The following IL2RB variants were observed in gnomAD, a reference collection of about 807,000 sequenced individuals.
The protein encoded by IL2RB is interleukin-2 receptor subunit beta.
A neutral mutation model predicts 44.2 loss-of-function variants in IL2RB; 17 were observed. The ratio of observed to expected loss-of-function variants is 0.38; its 90% CI spans 0.26 to 0.58. The LOEUF (loss-of-function observed/expected upper bound fraction) is 0.58. Among genes scored for constraint, IL2RB ranks in the 20% least tolerant of loss-of-function variants. The pLI, the probability that IL2RB is intolerant of heterozygous loss-of-function variation, is 0.63. For missense variants in IL2RB, 624 were observed against 685.5 expected (o/e 0.91, Z 1.00); for synonymous variants, 286 against 297.9 (o/e 0.96, Z 0.41).
intron 1 of IL2RB, among the ~76,000 whole-genome samples, chr22:37,157,214 C>A (rs761226770): frequency 1.6e-4 from 25 of 152,218 alleles, no homozygotes; most frequent in Non-Finnish European, 2.9e-4. Flanking sequence ...TTCCTGAGGG[C>A]TGTCCTCCGA....
chr22:37,132,998 G>T (rs1921506220), intron 8 of IL2RB, among the ~76,000 whole-genome samples: 1 of 152,228 alleles, frequency 6.6e-6, no homozygotes, highest in Admixed American at 6.5e-5. Context: ...CCCATGTTCT[G>T]CTTGCTAAGC....
chr22:37,147,297 A>C (rs1337243280), intron 1 of IL2RB, among the ~76,000 whole-genome samples: 1 of 152,240 alleles, frequency 6.6e-6, no homozygotes, highest in Non-Finnish European at 1.5e-5. Flanking sequence ...AAGGTCATGC[A>C]GTGGATAAGA....
At chr22:37,129,523 G>A (rs773697342) in intron 9 of IL2RB, among the ~76,000 whole-genome samples, 3 of 140,160 alleles carry the variant, frequency 2.1e-5, no homozygotes, top group Middle Eastern at 4.3e-3. Flanking sequence ...TCAGTTGCTC[G>A]GGATTCCAGA....
upstream of IL2RB, chr22:37,149,979 G>C (rs1003987585): frequency 2.2e-6 from 2 of 924,436 alleles, no homozygotes; most frequent in Non-Finnish European, 2.6e-6. Flanking sequence ...AGAGGATAGA[G>C]GGGCAAGGCC....
chr22:37,146,114 C>A (rs573066895), intron 1 of IL2RB, among the ~76,000 whole-genome samples: 40 of 152,158 alleles, frequency 2.6e-4, no homozygotes, highest in Non-Finnish European at 5.3e-4. Flanking sequence ...GACCTTTGCC[C>A]CCATACCTAG....
Position 37,137,616 on chromosome 22 carries a change from G to A in IL2RB, c.508C>T (p.Arg170Trp), listed in dbSNP as rs768177172. The stretch of plus-strand genomic sequence containing the variant: ...CAGGTGTGGCCTGGGGACAGCGTCC[G>A]GGCCTCGAACTCCAGGTGTCTTTCA... Reference protein sequence around the residue: ...YFERHLEFEARTLSPGHTWEE... With the variant: ...YFERHLEFEAWTLSPGHTWEE... The change falls in exon 6 of 10, where the codon CGG becomes TGG. Residue 170 changes from arginine to tryptophan, a missense_variant. Transcript: ENST00000216223. 33 of 1,614,170 alleles carry A rather than the reference G, an allele frequency of 2.0e-5. No individual in the cohort carries two copies. Among genetic ancestry groups the A allele is most frequent in the South Asian group, 5.5e-5 (5 of 91,088 alleles).
chr22:37,139,059 G>C, intron 5 of IL2RB, 58 bp downstream of exon 5: 1 of 1,102,626 alleles, frequency 9.1e-7, no homozygotes, highest in Non-Finnish European at 1.4e-6. Context: ...TCCCAGAGGA[G>C]GTGGAAGGAA....
chr22:37,136,465 A>T (rs915840623), intron 6 of IL2RB, 72 bp from the exon 7 acceptor site: 25 of 1,355,876 alleles, frequency 1.8e-5, no homozygotes, highest in Admixed American at 6.9e-5. Flanking sequence ...AGCATCACAG[A>T]ACCCCCCCCC....
At chr22:37,156,123 C>T (rs1248575013) in intron 1 of IL2RB, among the ~76,000 whole-genome samples, 2 of 152,236 alleles carry the variant, frequency 1.3e-5, no homozygotes, top group African/African-American at 4.8e-5. Flanking sequence ...CACTCCGCCT[C>T]CCAGGAGATG....
rs1174237246 is a variant in IL2RB, at chr22:37,127,777, T to C, written c.*319A>G. The C allele has an allele frequency of 8.7e-6, 2 of 229,264 alleles. No individual in the cohort carries two copies. The highest frequency in any genetic ancestry group is 4.5e-5 in the African/African-American group (2 of 44,218). The allele number at this position is 229,264 out of a possible 1,614,324, so 14.2% of individuals were successfully genotyped here. A position where few individuals can be genotyped will look rare whatever the true frequency, so the allele number is the denominator to read the frequency against. The stretch of plus-strand genomic sequence containing the variant: ...AGCCGCGAGGACTGATATTGGTGAA[T>C]AGCTGCAGGGCTGGAGAGGAGCGAT... On this transcript the variant is annotated 3_prime_UTR_variant, in exon 10 of 10. Coordinates refer to ENST00000216223, the MANE Select transcript of IL2RB (RefSeq NM_000878.5).
chr22:37,128,373 T>A lies in IL2RB; in HGVS notation c.1379A>T (p.Gln460Leu). The A allele has an allele frequency of 6.6e-7, 1 of 1,507,444 alleles. No homozygotes were observed. The highest frequency in any genetic ancestry group is 8.9e-7 in the Non-Finnish European group (1 of 1,128,992). 93.4% of individuals were successfully genotyped at this position (1,507,444 alleles called of 1,614,324 possible). A position where few individuals can be genotyped will look rare whatever the true frequency, so the allele number is the denominator to read the frequency against. ...GTCCCAGTCTCTGGGGACTCTTTCT[T>A]GCAAAGAAGGGGGCATCCTCTCTTC... ...AGEERMPPSL[Q>L]ERVPRDWDPQ... The change falls in exon 10 of 10, where the codon CAA becomes CTA. Residue 460 changes from glutamine to leucine, a missense_variant. By Grantham distance (113) the Gln-to-Leu change is moderately radical. Coordinates refer to ENST00000216223, the MANE Select transcript of IL2RB (RefSeq NM_000878.5). The surrounding 1 kb of genome is among the most constrained non-coding windows in gnomAD (Gnocchi z 4.5).
rs574297182 is a variant in IL2RB, at chr22:37,131,880, G to A, written c.903+504C>T. Among the ~76,000 whole-genome samples the A allele has an allele frequency of 5.3e-5, 8 of 152,208 alleles. No homozygotes were observed. The South Asian group carries it at 1.7e-3, about 32-fold the overall frequency. Reference sequence around the variant, plus strand: ...GCCTCCTGAGTAGCTGGGATTACAGGCATGCACCACCAGCCCGGCTAATTT... The same window carrying A: ...GCCTCCTGAGTAGCTGGGATTACAGACATGCACCACCAGCCCGGCTAATTT... On this transcript the variant is annotated intron_variant, in intron 9 of 9. Coordinates refer to ENST00000216223, the MANE Select transcript of IL2RB (RefSeq NM_000878.5).
intron 1 of IL2RB, among the ~76,000 whole-genome samples, chr22:37,156,839 A>G (rs886869231): frequency 6.6e-6 from 1 of 152,150 alleles, no homozygotes; most frequent in African/African-American, 2.4e-5. Flanking sequence ...CAGTATCTCC[A>G]GGGCCACCTC....
intron 3 of IL2RB, chr22:37,142,776 C>T (rs1361064319): frequency 3.3e-6 from 2 of 614,034 alleles, no homozygotes; most frequent in South Asian, 1.8e-5. Context: ...CACTTCAAGA[C>T]AGGCAGTCCT....
chr22:37,143,729 C>A, intron 2 of IL2RB, 94 bp from the exon 3 acceptor site: 2 of 881,812 alleles, frequency 2.3e-6, no homozygotes, highest in South Asian at 2.8e-5. Flanking sequence ...CCCACACCTG[C>A]CAGAGGAGGA....
chr22:37,147,979 G>A (rs1922307566), intron 1 of IL2RB, among the ~76,000 whole-genome samples: 1 of 152,256 alleles, frequency 6.6e-6, no homozygotes, highest in Admixed American at 6.5e-5. Context: ...TTTTGTGTGG[G>A]TGTCACCCCA....
intron 1 of IL2RB, among the ~76,000 whole-genome samples, chr22:37,165,797 G>T (rs981550130): frequency 1.3e-5 from 2 of 152,082 alleles, no homozygotes; most frequent in Non-Finnish European, 2.9e-5. Flanking sequence ...GGACAGAGGC[G>T]GGGAGGACAC....
rs149724439 is a variant in IL2RB at position 37,137,783 on chromosome 22, C to T, written c.389-48G>A. 10,648 of 1,553,968 alleles carry T rather than the reference C, an allele frequency of 6.9e-3. 62 individuals carry two copies. Among genetic ancestry groups the T allele is most frequent in the Middle Eastern group, 0.01 (61 of 5,914 alleles). ...GAGAGCAGTCAGCCATGACCTCCAC[C>T]TCCCACTTTGTACCTGCCACTCCTC... On this transcript the variant is annotated intron_variant, in intron 5 of 9. Transcript: ENST00000216223.
intron 1 of IL2RB, among the ~76,000 whole-genome samples, chr22:37,169,820 C>A (rs1453445087): frequency 6.6e-6 from 1 of 152,210 alleles, no homozygotes; most frequent in East Asian, 1.9e-4. Context: ...AGAGGCCTTC[C>A]TTCTCTCCCC....
Sources: gnomAD v4.1 joint callset for allele counts (sites outside exome capture counted in the v4.1 genomes callset) on GRCh38, gnomAD v4.1.1 for gene constraint, Gnocchi (gnomAD v3.1) non-coding constraint, MANE v1.5 for transcripts, NCBI Gene and HGNC (gene_info 2026-07-23, HGNC 2026-07-21) for gene names.